CDC14B: variants seen among roughly 807,000 people sequenced by gnomAD.
CDC14B encodes dual specificity protein phosphatase CDC14B.
CDC14B carries 22 observed loss-of-function variants against 64.2 expected under a neutral mutation model. That is an observed-to-expected ratio of 0.34 (90% CI 0.24 to 0.49). CDC14B has a LOEUF of 0.49. Ranked by LOEUF, CDC14B falls within the 20% of genes least tolerant of loss-of-function variation. CDC14B has a pLI of 0.99. For missense variants in CDC14B, 498 were observed against 629.9 expected (o/e 0.79, Z 2.24); for synonymous variants, 191 against 215.8 (o/e 0.89, Z 1.01).
At chr9:96,586,839 A>G (rs1226200271) in intron 1 of CDC14B, among the ~76,000 whole-genome samples, 3 of 151,262 alleles carry the variant, frequency 2.0e-5, no homozygotes, top group Non-Finnish European at 2.9e-5. Context: ...CCTATATTCT[A>G]TCAACCCCAC....
In CDC14B at chr9:96,538,281, T is replaced by C. The variant is rs537290594; in HGVS notation, c.627+797A>G. Among the ~76,000 whole-genome samples the C allele has an allele frequency of 2.0e-5, 3 of 152,264 alleles. No homozygotes were observed. In the East Asian group the frequency reaches 5.8e-4, roughly 29 times the overall value. On this transcript the variant is annotated intron_variant, in intron 7 of 13. Transcript: ENST00000375241. ...GGGGCACACTCATTCACTCTAGAAT[T>C]GTGCATCAAATGCAGAAATTCCCAC...
intron 7 of CDC14B, 32 bp from the exon 8 acceptor site, chr9:96,534,574 T>A: frequency 7.0e-7 from 1 of 1,427,052 alleles, no homozygotes; most frequent in East Asian, 2.3e-5. Context: ...AATTCGTTTT[T>A]AAATGTATTC....
At chr9:96,618,712 A>G (rs1847794606) in intron 1 of CDC14B, 1 of 425,294 alleles carries the variant, frequency 2.4e-6, no homozygotes, top group Non-Finnish European at 4.6e-6. Context: ...CGCGGCGCCC[A>G]GGGTCCCAAG....
At chr9:96,508,163 C>A (rs1834419333) in intron 13 of CDC14B, among the ~76,000 whole-genome samples, 1 of 152,082 alleles carries the variant, frequency 6.6e-6, no homozygotes, top group Middle Eastern at 3.4e-3. Flanking sequence ...CCACAGGTGC[C>A]TGCCACCACA....
intron 1 of CDC14B, among the ~76,000 whole-genome samples, chr9:96,585,861 A>C (rs1055568145): frequency 1.3e-5 from 2 of 152,256 alleles, no homozygotes; most frequent in Admixed American, 6.5e-5. Context: ...ACCCAAATGT[A>C]CATCAATAAG....
chr9:96,615,607 T>G (rs1847575312), intron 1 of CDC14B, among the ~76,000 whole-genome samples: 1 of 152,234 alleles, frequency 6.6e-6, no homozygotes, highest in South Asian at 2.1e-4. Context: ...CAATATTAAG[T>G]GCTGGCAAGG....
intron 4 of CDC14B, among the ~76,000 whole-genome samples, chr9:96,559,048 C>T (rs951980012): frequency 2.0e-5 from 3 of 152,236 alleles, no homozygotes; most frequent in African/African-American, 7.2e-5. Flanking sequence ...CTTCTTGTAA[C>T]ACACATGACG....
chr9:96,602,530 A>C (rs753261556), intron 1 of CDC14B, among the ~76,000 whole-genome samples: 4 of 152,166 alleles, frequency 2.6e-5, no homozygotes, highest in Non-Finnish European at 5.9e-5. Flanking sequence ...AGAACATCTC[A>C]CACAGCAGCA....
chr9:96,526,575 G>C (rs1300166169), intron 9 of CDC14B, among the ~76,000 whole-genome samples: 1 of 152,156 alleles, frequency 6.6e-6, no homozygotes, highest in East Asian at 1.9e-4. Context: ...TGCCCCAGCA[G>C]ATTAATATAC....
Position 96,619,577 on chromosome 9 carries a change from C to G in CDC14B, c.-199G>C, listed in dbSNP as rs982143369. 2.0e-5 allele frequency: 3 copies of G among 149,432 alleles called. No homozygotes were observed. The highest frequency in any genetic ancestry group is 7.3e-5 in the African/African-American group (3 of 40,930). The allele number at this position is 149,432 out of a possible 1,614,324, so 9.3% of individuals were successfully genotyped here. ...GAGGAGCCCGGCCCACAGCGCCTGC[C>G]CCGCTGCCTCCCGCGGCCGCCGCAG... On this transcript the variant is annotated 5_prime_UTR_variant, in exon 1 of 14. Transcript: ENST00000375241.
At chr9:96,570,631 G>A (rs183411229) in intron 1 of CDC14B, among the ~76,000 whole-genome samples, 3 of 152,320 alleles carry the variant, frequency 2.0e-5, no homozygotes, top group African/African-American at 4.8e-5. Flanking sequence ...GAAAGAACAC[G>A]GGGAGCAGAG....
intron 4 of CDC14B, among the ~76,000 whole-genome samples, chr9:96,558,454 G>A (rs940057373): frequency 6.6e-6 from 1 of 152,092 alleles, no homozygotes; most frequent in African/African-American, 2.4e-5. Context: ...TTTTAAAATT[G>A]TACTGTAAAC....
rs762854896 is a variant in CDC14B at position 96,522,499 on chromosome 9, G to A, written c.1343+7C>T. ...ACATCAACCACAACAAAGGAACCCAGACTCACGTGAGAGGAATAGCGTTTG... is the reference window on the plus strand; with the variant it reads ...ACATCAACCACAACAAAGGAACCCAAACTCACGTGAGAGGAATAGCGTTTG... On this transcript the variant is annotated splice_region_variant and intron_variant, in intron 12 of 13. Transcript: ENST00000375241. 1 of 1,589,624 alleles carries A rather than the reference G, an allele frequency of 6.3e-7. No individual in the cohort carries two copies. Among genetic ancestry groups the A allele is most frequent in the South Asian group, 1.1e-5 (1 of 90,526 alleles).
intron 1 of CDC14B, among the ~76,000 whole-genome samples, chr9:96,591,359 A>G (rs577656685): frequency 6.6e-6 from 1 of 152,152 alleles, no homozygotes; most frequent in Non-Finnish European, 1.5e-5. Flanking sequence ...TGAAGACACA[A>G]ATTCTTGGTA....
chr9:96,567,074 T>G, intron 1 of CDC14B: 7 of 974,006 alleles, frequency 7.2e-6, no homozygotes, highest in Non-Finnish European at 7.1e-6. Flanking sequence ...CCCGCTTTCT[T>G]TCCCCCCGCC....
Position 96,522,545 on chromosome 9 carries a change from T to C in CDC14B, c.1304A>G (p.Lys435Arg). 6.2e-7 allele frequency: 1 copy of C among 1,613,838 alleles called. No individual in the cohort carries two copies. Among genetic ancestry groups the C allele is most frequent in the Non-Finnish European group, 8.5e-7 (1 of 1,179,712 alleles). ...GTTTGTTTTGGATTGTCTTCTGCTT[T>C]TCAAGGCCCGAAGTCTATCACCTTG... Reference protein sequence around the residue: ...VTQGDRLRALKSRRQSKTNAI... With the variant: ...VTQGDRLRALRSRRQSKTNAI... Residue 435 changes from lysine (K) to arginine (R), a missense_variant, in exon 12 of 14, where the codon AAA becomes AGA. Transcript: ENST00000375241.
At chr9:96,538,855 A>G (rs1301807744) in intron 7 of CDC14B, 1 of 466,324 alleles carries the variant, frequency 2.1e-6, no homozygotes, top group Non-Finnish European at 3.8e-6. Flanking sequence ...AATCTGCTAG[A>G]GTACATCTCA....
At chr9:96,597,753 G>A (rs1263792878) in intron 1 of CDC14B, among the ~76,000 whole-genome samples, 2 of 152,244 alleles carry the variant, frequency 1.3e-5, no homozygotes, top group Non-Finnish European at 1.5e-5. Flanking sequence ...GGAATGAATG[G>A]CCCTAGAAAT....
intron 2 of CDC14B, 48 bp downstream of exon 2, chr9:96,565,345 G>C: frequency 8.5e-7 from 1 of 1,179,348 alleles, no homozygotes; most frequent in Non-Finnish European, 1.3e-6. Flanking sequence ...CATACCTTTA[G>C]ATTCTTCAAA....
Sources: gnomAD v4.1 joint callset for allele counts (sites outside exome capture counted in the v4.1 genomes callset) on GRCh38, gnomAD v4.1.1 for gene constraint, MANE v1.5 for transcripts, NCBI Gene and HGNC (gene_info 2026-07-23, HGNC 2026-07-21) for gene names.